The following MAP7D2 variants were observed in gnomAD, a reference collection of about 807,000 sequenced individuals.
MAP7D2 encodes MAP7 domain-containing protein 2.
Under a neutral mutation model 63.5 loss-of-function variants are expected in MAP7D2, and 33 were observed. The observed-to-expected ratio is 0.52, with a 90% CI of 0.39 to 0.70. The LOEUF (loss-of-function observed/expected upper bound fraction) is 0.70, where lower values mean the gene tolerates loss of function less well. Among genes scored for constraint, MAP7D2 ranks in the 30% least tolerant of loss-of-function variants. The pLI is 0.00. For synonymous variants in MAP7D2, 224 were observed against 223.7 expected (o/e 1.00, Z -0.01); for missense variants, 626 against 604.0 (o/e 1.04, Z -0.38).
At chrX:20,079,846 T>A in intron 1 of MAP7D2, among the ~76,000 whole-genome samples, 1 of 111,098 alleles carries the variant, frequency 9.0e-6, no homozygotes, top group Non-Finnish European at 1.9e-5. Flanking sequence ...CATTTCAGTC[T>A]TCCCAAGAAC....
chrX:20,086,001 C>T (rs1263858575), intron 1 of MAP7D2, among the ~76,000 whole-genome samples: 3 of 112,454 alleles, frequency 2.7e-5, no homozygotes, highest in Non-Finnish European at 3.8e-5. Context: ...TGTGAGCCAC[C>T]GTGCAGGCCT....
chrX:20,025,224 A>C, intron 9 of MAP7D2, 141 bp from the exon 10 acceptor site: 1 of 676,017 alleles, frequency 1.5e-6, no homozygotes, highest in South Asian at 3.4e-5. Context: ...GACTAGCACA[A>C]TCGACCACCA....
intron 1 of MAP7D2, among the ~76,000 whole-genome samples, chrX:20,089,633 C>T (rs978218944): frequency 1.2e-4 from 14 of 112,160 alleles, no homozygotes; most frequent in Non-Finnish European, 5.6e-5. Context: ...AGAAGATCCC[C>T]AGGGGATTCC....
At chrX:20,111,308 G>T (rs1603411560) in intron 1 of MAP7D2, among the ~76,000 whole-genome samples, 1 of 112,134 alleles carries the variant, frequency 8.9e-6, no homozygotes, top group East Asian at 2.8e-4. Flanking sequence ...AAATGAACAT[G>T]TGCAGTATAT....
intron 1 of MAP7D2, among the ~76,000 whole-genome samples, chrX:20,066,095 T>G (rs2065355810): frequency 9.0e-6 from 1 of 110,854 alleles, no homozygotes; most frequent in African/African-American, 3.3e-5. Context: ...GCTAATTTTT[T>G]GTATTTTTAG....
Position 20,016,298 on chromosome X carries a change from C to T in MAP7D2, c.1440G>A (p.Lys480=). The change falls in exon 11 of 17, where the codon AAG becomes AAA. Residue 480 remains lysine (K), a synonymous_variant. Transcript: ENST00000379643. Reference sequence around the variant, plus strand: ...CTAGGCGAAGCCTTTCCTCCTCTGCCTTTCTTTTCAATTCCTCTCTCTCCA... The same window carrying T: ...CTAGGCGAAGCCTTTCCTCCTCTGCTTTTCTTTTCAATTCCTCTCTCTCCA... ...DRLEREELKR[K]AEEERLRLEE... 1.7e-6 allele frequency: 2 copies of T among 1,210,922 alleles called. No homozygotes were observed. The highest frequency in any genetic ancestry group is 2.2e-6 in the Non-Finnish European group (2 of 895,281).
At chrX:20,095,412 G>T (rs990673228) in intron 1 of MAP7D2, among the ~76,000 whole-genome samples, 3 of 110,910 alleles carry the variant, frequency 2.7e-5, no homozygotes, top group Non-Finnish European at 5.7e-5. Flanking sequence ...GGTGACAAGT[G>T]ACTGTTTTTC....
At chrX:20,031,053 G>A (rs1407829504) in intron 8 of MAP7D2, among the ~76,000 whole-genome samples, 1 of 111,640 alleles carries the variant, frequency 9.0e-6, no homozygotes, top group Non-Finnish European at 1.9e-5. Context: ...CACTTTGGGA[G>A]GCTGAGGCGG....
intron 7 of MAP7D2, 22 bp from the exon 8 acceptor site, chrX:20,042,651 C>T (rs369655434): frequency 1.4e-4 from 169 of 1,208,102 alleles, no homozygotes; most frequent in Non-Finnish European, 1.8e-4. Context: ...ACAGGATAGC[C>T]ACAGTCCATG....
chrX:20,089,124 C>T (rs1304827262), intron 1 of MAP7D2, among the ~76,000 whole-genome samples: 2 of 111,907 alleles, frequency 1.8e-5, no homozygotes, highest in Non-Finnish European at 3.8e-5. Flanking sequence ...TTAGGTTTAG[C>T]TCTATTTTGG....
chrX:20,057,737 TG>T (rs2065101970), intron 3 of MAP7D2, among the ~76,000 whole-genome samples: 1 of 111,970 alleles, frequency 8.9e-6, no homozygotes, highest in African/African-American at 3.2e-5. Context: ...CTCCAGGAAC[TG>T]GGCTAATCAT....
chrX:20,018,608 A>T (rs901927180), intron 10 of MAP7D2, among the ~76,000 whole-genome samples: 2 of 107,549 alleles, frequency 1.9e-5, no homozygotes, highest in African/African-American at 6.8e-5. Flanking sequence ...ATGCCCAGCT[A>T]ATTTTTGTAG....
At chrX:20,019,798 TCA>T (rs1268950369) in intron 10 of MAP7D2, among the ~76,000 whole-genome samples, 2 of 111,863 alleles carry the variant, frequency 1.8e-5, no homozygotes, top group African/African-American at 3.3e-5. Context: ...TCCCTCTCTC[TCA>T]GTGTTCCCCA....
In MAP7D2 at chrX:20,088,468, GTTTTTTTTTTTTTTTTTTTTTTT is replaced by G. The variant is rs779366726; in HGVS notation, c.131-23686_131-23664del. Among the ~76,000 whole-genome samples the G allele has an allele frequency of 7.8e-4, 32 of 41,072 alleles. No individual in the cohort carries two copies. In the South Asian group the frequency reaches 9.1e-3, roughly 12 times the overall value. 35.7% of individuals were successfully genotyped at this position (41,072 alleles called of 115,157 possible). On this transcript the variant is annotated intron_variant, in intron 1 of 16. Coordinates refer to ENST00000379643, the MANE Select transcript of MAP7D2 (RefSeq NM_001168465.2). ...CCCCACCACACCCAGCTAATTTTCA[GTTTTTTTTTTTTTTTTTTTTTTT>G]TTTTTTTTTTTTTTGCAGAGACAGG...
intron 4 of MAP7D2, chrX:20,055,583 G>A: frequency 3.4e-6 from 1 of 294,631 alleles, no homozygotes; most frequent in Non-Finnish European, 6.1e-6. Flanking sequence ...AAGAAATATG[G>A]GCATGTCATT....
In MAP7D2 at chrX:20,013,739, A is replaced by C. The variant is rs113147701; in HGVS notation, c.1750-114T>G. On this transcript the variant is annotated intron_variant, in intron 12 of 16. Coordinates refer to ENST00000379643, the MANE Select transcript of MAP7D2 (RefSeq NM_001168465.2). ...TTTCTCAGAAAACTTGTAAAAGGCA[A>C]AAGTCAGAAGAGGATAACAAGTATA... is the stretch of plus-strand genomic sequence containing the variant. 8.4e-3 allele frequency: 4,350 copies of C among 517,932 alleles called. 154 individuals are homozygous for C. The African/African-American group carries it at 0.092, about 11-fold the overall frequency. 42.7% of individuals were successfully genotyped at this position (517,932 alleles called of 1,213,427 possible).
intron 1 of MAP7D2, among the ~76,000 whole-genome samples, chrX:20,074,887 C>CA (rs1337409239): frequency 2.7e-5 from 3 of 110,053 alleles, no homozygotes; most frequent in East Asian, 5.7e-4. Context: ...CCCGTCACTA[C>CA]AAAAAAATAC....
At chrX:20,103,582 C>T (rs1321712753) in intron 1 of MAP7D2, among the ~76,000 whole-genome samples, 1 of 112,240 alleles carries the variant, frequency 8.9e-6, no homozygotes, top group Non-Finnish European at 1.9e-5. Flanking sequence ...TCTGAAACTC[C>T]TTCCTCATTC....
chrX:20,108,834 GT>G (rs113331797), intron 1 of MAP7D2, among the ~76,000 whole-genome samples: 3,523 of 109,937 alleles, frequency 0.032, 83 homozygotes, highest in African/African-American at 0.076. Flanking sequence ...AATGACCACA[GT>G]TAACAGCAAG....
Sources: allele counts gnomAD v4.1 joint callset (sites outside exome capture counted in the v4.1 genomes callset), GRCh38; gene constraint gnomAD v4.1.1; transcripts MANE v1.5; gene names NCBI Gene and HGNC (gene_info 2026-07-23, HGNC 2026-07-21).